Variants in JAK1 observed in about 807,000 individuals in gnomAD.
JAK1 encodes the protein Janus kinase 1, also known as tyrosine-protein kinase JAK1.
JAK1 carries 16 observed loss-of-function variants against 136.6 expected under a neutral mutation model. The observed-to-expected ratio is 0.12, with a 90% CI of 0.08 to 0.18. The LOEUF (loss-of-function observed/expected upper bound fraction) is 0.18, where lower values mean the gene tolerates loss of function less well. Among genes scored for constraint, JAK1 ranks in the 10% least tolerant of loss-of-function variants. The pLI, the probability that JAK1 is intolerant of heterozygous loss-of-function variation, is 1.00. For missense variants in JAK1, 859 were observed against 1,450.1 expected (o/e 0.59, Z 6.62); for synonymous variants, 492 against 519.5 (o/e 0.95, Z 0.72).
At chr1:64,883,256 T>TGCAG (rs1326964505) in intron 3 of JAK1, 21 bp downstream of exon 3, 1 of 1,599,568 alleles carries the variant, frequency 6.3e-7, no homozygotes, top group Non-Finnish European at 8.5e-7. Context: ...CCCCCAGCCC[T>TGCAG]GGGCAGCTGC....
At position 64,955,015 on chromosome 1, in the gene JAK1, A is replaced by T. The variant is rs1159267665; in HGVS notation, c.-78+11318T>A. On this transcript the variant is annotated intron_variant, in intron 1 of 24. Coordinates refer to ENST00000342505, the MANE Select transcript of JAK1 (RefSeq NM_002227.4). ...AATGAGTCTTCCAAAATACTTGATGATCCTTTACAAAACTGTACCACCTAT... is the reference window on the plus strand; with the variant it reads ...AATGAGTCTTCCAAAATACTTGATGTTCCTTTACAAAACTGTACCACCTAT... Among the ~76,000 whole-genome samples, 3 of 152,236 alleles carry T rather than the reference A, an allele frequency of 2.0e-5. No homozygotes were observed. The South Asian group carries it at 6.2e-4, about 31-fold the overall frequency.
intron 1 of JAK1, among the ~76,000 whole-genome samples, chr1:65,054,143 A>T (rs1273058529): frequency 1.3e-5 from 2 of 152,140 alleles, no homozygotes; most frequent in African/African-American, 4.8e-5. Flanking sequence ...AAAACATGTG[A>T]TCCCTTAGGG....
At chr1:65,031,956 T>C (rs998321003) in intron 2 of JAK1, among the ~76,000 whole-genome samples, 12 of 149,140 alleles carry the variant, frequency 8.0e-5, no homozygotes, top group African/African-American at 2.5e-4. Flanking sequence ...CAGATTTTTC[T>C]TTTTCTTTTT....
intron 1 of JAK1, among the ~76,000 whole-genome samples, chr1:64,904,096 T>C (rs1473607462): frequency 1.3e-5 from 2 of 152,362 alleles, no homozygotes; most frequent in African/African-American, 2.4e-5. Flanking sequence ...TTAGACACTA[T>C]GGTTCTAGTA....
chr1:65,023,829 T>A (rs1193917166), intron 2 of JAK1, among the ~76,000 whole-genome samples: 1 of 152,006 alleles, frequency 6.6e-6, no homozygotes, highest in Non-Finnish European at 1.5e-5. Flanking sequence ...GTTTGCCTGC[T>A]CTGGGATTGC....
intron 1 of JAK1, among the ~76,000 whole-genome samples, chr1:64,950,382 G>A (rs1050567151): frequency 2.6e-5 from 4 of 151,642 alleles, no homozygotes; most frequent in South Asian, 2.1e-4. Context: ...ACTCCAGCCC[G>A]GGAGACAGAG....
intron 1 of JAK1, among the ~76,000 whole-genome samples, chr1:64,940,320 CTTTT>C (rs34933566): frequency 7.1e-6 from 1 of 140,388 alleles, no homozygotes. Flanking sequence ...ATTTCAATTT[CTTTT>C]TTTTTTTTTT....
At chr1:64,876,916 T>TA (rs1644679610) in intron 4 of JAK1, among the ~76,000 whole-genome samples, 2 of 152,230 alleles carry the variant, frequency 1.3e-5, no homozygotes, top group Non-Finnish European at 1.5e-5. Context: ...TATATGCAGA[T>TA]ATTATACACA....
rs143632872 is a variant in JAK1, at chr1:65,042,539, T to C, written c.-78+1941A>G. On this transcript the variant is annotated intron_variant, in intron 2 of 25. Transcript: ENST00000671954. ...AGGTGACTTGGTGAAATAACTGGTGTTTCATATAGGGCTTTAGAGTTGGCC... is the reference window on the plus strand; with the variant it reads ...AGGTGACTTGGTGAAATAACTGGTGCTTCATATAGGGCTTTAGAGTTGGCC... Among the ~76,000 whole-genome samples, 25 of 152,202 alleles carry C rather than the reference T, an allele frequency of 1.6e-4. No homozygotes were observed. The East Asian group carries it at 4.6e-3, about 28-fold the overall frequency.
At chr1:65,018,113 G>A (rs918275360) in intron 2 of JAK1, among the ~76,000 whole-genome samples, 4 of 151,996 alleles carry the variant, frequency 2.6e-5, no homozygotes, top group African/African-American at 9.7e-5. Flanking sequence ...ACCTGGCTGT[G>A]AACTGTGCCT....
chr1:64,840,348 G>A (rs559715357), intron 19 of JAK1, among the ~76,000 whole-genome samples: 14 of 152,324 alleles, frequency 9.2e-5, no homozygotes, highest in Non-Finnish European at 1.5e-4. Flanking sequence ...GCCTGGCACA[G>A]TGGCTGGCAC....
chr1:65,042,755 T>C (rs771333230), intron 2 of JAK1, among the ~76,000 whole-genome samples: 3 of 152,174 alleles, frequency 2.0e-5, no homozygotes, highest in East Asian at 1.9e-4. Flanking sequence ...TACAGAGAAC[T>C]AAACTGAGGA....
chr1:65,031,505 C>T (rs1647023523), intron 2 of JAK1, among the ~76,000 whole-genome samples: 1 of 152,086 alleles, frequency 6.6e-6, no homozygotes, highest in African/African-American at 2.4e-5. Context: ...GATGAGACAA[C>T]CAAATGCACT....
At chr1:64,874,113 T>C (rs940904524) in intron 4 of JAK1, among the ~76,000 whole-genome samples, 13 of 152,332 alleles carry the variant, frequency 8.5e-5, no homozygotes, top group African/African-American at 2.6e-4. Context: ...TATTATGTTA[T>C]TTAATCTTCA....
chr1:65,000,081 C>G (rs1646740561), intron 2 of JAK1, among the ~76,000 whole-genome samples: 2 of 151,316 alleles, frequency 1.3e-5, no homozygotes, highest in South Asian at 4.2e-4. Context: ...ACCTCTGACT[C>G]CCTGGTTCAA....
chr1:64,939,407 G>C (rs1645848133), intron 1 of JAK1, among the ~76,000 whole-genome samples: 1 of 152,212 alleles, frequency 6.6e-6, no homozygotes, highest in Non-Finnish European at 1.5e-5. Flanking sequence ...ATTCACACAA[G>C]TTCACAATAG....
intron 1 of JAK1, among the ~76,000 whole-genome samples, chr1:64,932,077 C>T (rs1569592137): frequency 2.0e-5 from 3 of 151,692 alleles, no homozygotes; most frequent in Non-Finnish European, 4.4e-5. Flanking sequence ...TCTCATTTAA[C>T]GCTCATACCA....
intron 1 of JAK1, among the ~76,000 whole-genome samples, chr1:64,920,429 ACTTGGGAGG>A (rs752598807): frequency 1.3e-5 from 2 of 152,272 alleles, no homozygotes; most frequent in African/African-American, 4.8e-5. Context: ...AGTCCCAGCT[ACTTGGGAGG>A]CTGAGAACTA....
chr1:64,844,771 G>A lies in JAK1; in HGVS notation c.2234C>T (p.Thr745Met), dbSNP rs587778407. Reference sequence around the variant, plus strand: ...AGACACACCTTGCCTAGACAGCACCGTAATGGGGATGCCGGGGTCACTGAG... The same window carrying A: ...AGACACACCTTGCCTAGACAGCACCATAATGGGGATGCCGGGGTCACTGAG... ...IKLSDPGIPITVLSRQECIER... is the reference protein window; with the variant it reads ...IKLSDPGIPIMVLSRQECIER... The change falls in exon 16 of 25, where the codon ACG becomes ATG. Residue 745 changes from threonine (T) to methionine (M), a missense_variant. Coordinates refer to ENST00000342505, the MANE Select transcript of JAK1 (RefSeq NM_002227.4). The surrounding 1 kb of genome is among the most constrained non-coding windows in gnomAD (Gnocchi z 5.7). 7.4e-6 allele frequency: 12 copies of A among 1,614,042 alleles called. No individual in the cohort carries two copies. The highest frequency in any genetic ancestry group is 2.7e-5 in the African/African-American group (2 of 74,926).
Sources: gnomAD v4.1 joint callset for allele counts (sites outside exome capture counted in the v4.1 genomes callset) on GRCh38, gnomAD v4.1.1 for gene constraint, Gnocchi (gnomAD v3.1) non-coding constraint, MANE v1.5 for transcripts, NCBI Gene and HGNC (gene_info 2026-07-23, HGNC 2026-07-21) for gene names.